Variants in ODAD1 observed in about 807,000 individuals in gnomAD.
ODAD1 encodes the protein outer dynein arm docking complex subunit 1.
In ODAD1, 49 loss-of-function variants were observed where a neutral mutation model predicts 67.2. The ratio of observed to expected loss-of-function variants is 0.73; its 90% CI spans 0.58 to 0.92. ODAD1 has a LOEUF of 0.92. Among genes scored for constraint, ODAD1 ranks in the 40% least tolerant of loss-of-function variants. The pLI is 0.00. For synonymous variants in ODAD1, 345 were observed against 393.7 expected (o/e 0.88, Z 1.46); for missense variants, 897 against 953.7 (o/e 0.94, Z 0.78).
At chr19:48,299,476 T>A (rs1968399319) in intron 12 of ODAD1, among the ~76,000 whole-genome samples, 4 of 152,060 alleles carry the variant, frequency 2.6e-5, no homozygotes, top group Admixed American at 2.6e-4. Flanking sequence ...ACAGCCTGAC[T>A]CCTGAGTGCT....
chr19:48,318,845 G>C (rs1304941531), intron 3 of ODAD1, 33 bp from the exon 4 acceptor site: 1 of 1,398,454 alleles, frequency 7.2e-7, no homozygotes, highest in Admixed American at 2.0e-5. Flanking sequence ...GACTCAGCAG[G>C]GATCCTGGCC....
intron 6 of ODAD1, 34 bp downstream of exon 6, chr19:48,311,960 A>C: frequency 6.5e-7 from 1 of 1,546,376 alleles, no homozygotes; most frequent in South Asian, 1.2e-5. Context: ...TAACCGCACA[A>C]TTCAGGTCGA....
rs1227970016 is a variant in ODAD1 at position 48,318,543 on chromosome 19, G to A, written c.204C>T (p.Gly68=). 7.7e-6 allele frequency: 12 copies of A among 1,551,316 alleles called. No homozygotes were observed. Among genetic ancestry groups the A allele is most frequent in the South Asian group, 4.8e-5 (4 of 84,048 alleles). Residue 68 remains glycine, a synonymous_variant, in exon 5 of 16, where the codon GGC becomes GGT. Transcript: ENST00000674294. ...EEIRRLEEVR[G]DLQVQISAAQ... is the part of the protein sequence containing the mutation. ...CTGCGCTGATCTGCACCTGGAGATC[G>A]CCCCGTACCTCCTCCAAGCGCCGGA...
intron 7 of ODAD1, among the ~76,000 whole-genome samples, chr19:48,307,108 C>T (rs1373518378): frequency 5.9e-5 from 9 of 151,884 alleles, no homozygotes; most frequent in South Asian, 4.2e-4. Context: ...AGCTTGAATC[C>T]GGGAGGCGGA....
intron 5 of ODAD1, among the ~76,000 whole-genome samples, chr19:48,315,584 T>G (rs1378930060): frequency 1.5e-4 from 23 of 152,156 alleles, no homozygotes; most frequent in Non-Finnish European, 1.5e-4. Flanking sequence ...TGTTTTGACA[T>G]AAAATAGTGA....
rs7252988 is a variant in ODAD1, at chr19:48,297,081, A to G, written c.2019T>C (p.Ser673=). The change falls in exon 16 of 16, where the codon TCT becomes TCC. Residue 673 remains serine (S), a synonymous_variant. Transcript: ENST00000674294. ...TGGACCCGAGGCCTCCGCTCGAATC[A>G]GACGCTGTGCCTCCGCTCTCCACAC... is the stretch of plus-strand genomic sequence containing the variant. The part of the protein sequence containing the change: ...EGGVESGGTA[S]DSSGGLGSSR... The G allele has an allele frequency of 0.63, 1,021,484 of 1,613,386 alleles. 331,731 individuals are homozygous for G. Among genetic ancestry groups the G allele is most frequent in the Non-Finnish European group, 0.68 (800,710 of 1,179,868 alleles).
rs1288734147 is a variant in ODAD1 at position 48,306,236 on chromosome 19, A to G, written c.665+20T>C. On this transcript the variant is annotated intron_variant, in intron 8 of 15. Transcript: ENST00000674294. ...TGAGTCATCTGGGTCCCGCCATCCC[A>G]GGATACCCGCAGTCTCTACCTGACG... The G allele has an allele frequency of 1.3e-6, 2 of 1,551,298 alleles. No homozygotes were observed. The highest frequency in any genetic ancestry group is 2.4e-5 in the East Asian group (1 of 40,924).
Position 48,312,072 on chromosome 19 carries a change from G to C in ODAD1, c.405C>G (p.Val135=), listed in dbSNP as rs1173208373. 5.1e-5 allele frequency: 79 copies of C among 1,549,542 alleles called. No homozygotes were observed. The highest frequency in any genetic ancestry group is 1.7e-4 in the Middle Eastern group (1 of 5,986). The part of the protein sequence containing the change: ...ETRIFTHSKN[V]RSPGFILDQK... ...GATCCAGGATGAATCCCGGGGACCT[G>C]ACATTCTTACTGTGGGTAAAGATCC... The change falls in exon 6 of 16, where the codon GTC becomes GTG. Residue 135 remains valine (V), a synonymous_variant. Transcript: ENST00000674294.
Position 48,296,909 on chromosome 19 carries a change from G to A in ODAD1, c.*67C>T. ...ACAGAGACCCACAAGGCAAACAGGG[G>A]AAGTAGAGACACAAAAAAAGACCCC... is the stretch of plus-strand genomic sequence containing the variant. On this transcript the variant is annotated 3_prime_UTR_variant, in exon 16 of 16. Transcript: ENST00000674294. 1 of 1,474,516 alleles carries A rather than the reference G, an allele frequency of 6.8e-7. No homozygotes were observed. The highest frequency in any genetic ancestry group is 1.4e-5 in the African/African-American group (1 of 70,650). 91.3% of individuals were successfully genotyped at this position (1,474,516 alleles called of 1,614,324 possible). A position where few individuals can be genotyped will look rare whatever the true frequency, so the allele number is the denominator to read the frequency against.
At chr19:48,321,525 G>T in intron 1 of ODAD1, 153 bp downstream of exon 1, 1 of 305,316 alleles carries the variant, frequency 3.3e-6, no homozygotes, top group Non-Finnish European at 6.0e-6. Flanking sequence ...TCCCCGTAAG[G>T]GGCGGGCTTC....
chr19:48,321,007 CG>C (rs1969017080), intron 1 of ODAD1, among the ~76,000 whole-genome samples, 196 bp from the exon 2 acceptor site: 1 of 152,110 alleles, frequency 6.6e-6, no homozygotes, highest in African/African-American at 2.4e-5. Context: ...GAGGCCGAGG[CG>C]GGCGCATCAC....
rs113973746 is a variant in ODAD1 at position 48,320,988 on chromosome 19, G to C, written c.-63-177C>G. ...GCGGTGGCTCACGCCTGCAATCCCAGCATTTTGGGAGGCCGAGGCGGGCGC... is the reference window on the plus strand; with the variant it reads ...GCGGTGGCTCACGCCTGCAATCCCACCATTTTGGGAGGCCGAGGCGGGCGC... On this transcript the variant is annotated intron_variant, in intron 1 of 15. Coordinates refer to ENST00000674294, the MANE Select transcript of ODAD1 (RefSeq NM_001364171.2). Among the ~76,000 whole-genome samples, 3 of 152,318 alleles carry C rather than the reference G, an allele frequency of 2.0e-5. 1 individual carries two copies. Among genetic ancestry groups the C allele is most frequent in the African/African-American group, 7.2e-5 (3 of 41,568 alleles).
In ODAD1 at chr19:48,303,738, C is replaced by G; in HGVS notation, c.900G>C (p.Leu300=). 1 of 1,613,934 alleles carries G rather than the reference C, an allele frequency of 6.2e-7. No individual in the cohort carries two copies. Among genetic ancestry groups the G allele is most frequent in the African/African-American group, 1.3e-5 (1 of 75,066 alleles). Residue 300 remains leucine, a synonymous_variant, in exon 10 of 16, where the codon CTG becomes CTC. Coordinates refer to ENST00000674294, the MANE Select transcript of ODAD1 (RefSeq NM_001364171.2). ...EGVWKTSQER[L]VLCYEDALNK... The stretch of plus-strand genomic sequence containing the variant: ...TCAGGGCGTCCTCGTAGCAAAGCAC[C>G]AGCCTCTCCTGGGAGGTCTTCCAGA...
intron 12 of ODAD1, among the ~76,000 whole-genome samples, chr19:48,298,966 CT>C (rs1968383780): frequency 6.6e-6 from 1 of 152,192 alleles, no homozygotes; most frequent in African/African-American, 2.4e-5. Flanking sequence ...GGCTCTCCAG[CT>C]CGCTCCCCAC....
Position 48,318,831 on chromosome 19 carries a change from A to C in ODAD1, c.71-19T>G. On this transcript the variant is annotated intron_variant, in intron 3 of 15. Transcript: ENST00000674294. ...CAATCCACTGAGAACAGGGCCAGCCAAGGGACTCAGCAGGGATCCTGGCCA... is the reference window on the plus strand; with the variant it reads ...CAATCCACTGAGAACAGGGCCAGCCCAGGGACTCAGCAGGGATCCTGGCCA... The C allele has an allele frequency of 6.7e-7, 1 of 1,493,554 alleles. No individual in the cohort carries two copies. The highest frequency in any genetic ancestry group is 9.1e-7 in the Non-Finnish European group (1 of 1,095,436). The allele number at this position is 1,493,554 out of a possible 1,614,324, so 92.5% of individuals were successfully genotyped here. A position where few individuals can be genotyped will look rare whatever the true frequency, so the allele number is the denominator to read the frequency against.
intron 7 of ODAD1, 57 bp from the exon 8 acceptor site, chr19:48,306,380 T>C: frequency 6.9e-7 from 1 of 1,453,766 alleles, no homozygotes; most frequent in Non-Finnish European, 9.4e-7. Context: ...TTGCTCGAAG[T>C]CTTTCCTTTT....
intron 5 of ODAD1, among the ~76,000 whole-genome samples, chr19:48,317,792 G>T (rs778998972): frequency 4.6e-5 from 7 of 151,790 alleles, no homozygotes; most frequent in African/African-American, 7.3e-5. Context: ...GATTCTCCTG[G>T]CCGAGCACAG....
chr19:48,311,949 A>G (rs964933933), intron 6 of ODAD1, 45 bp downstream of exon 6: 1 of 1,538,728 alleles, frequency 6.5e-7, no homozygotes, highest in Middle Eastern at 2.1e-4. Context: ...AGTTCTTCCC[A>G]TAACCGCACA....
At position 48,303,999 on chromosome 19, in the gene ODAD1, G is replaced by T. The variant is rs200808081; in HGVS notation, c.807C>A (p.Asn269Lys). The change falls in exon 9 of 16, where the codon AAC becomes AAA. Residue 269 changes from asparagine to lysine, a missense_variant. Coordinates refer to ENST00000674294, the MANE Select transcript of ODAD1 (RefSeq NM_001364171.2). ...GGACATCGGGATCCGGCTGCCGGTCGTTGTTCTTGAGCTTGAGGAAGTGGT... is the reference window on the plus strand; with the variant it reads ...GGACATCGGGATCCGGCTGCCGGTCTTTGTTCTTGAGCTTGAGGAAGTGGT... Reference protein sequence around the residue: ...QLHHFLKLKNNDRQPDPDVLE... With the variant: ...QLHHFLKLKNKDRQPDPDVLE... The T allele has an allele frequency of 1.0e-4, 164 of 1,614,228 alleles. No homozygotes were observed. In the East Asian group the frequency reaches 3.6e-3, roughly 36 times the overall value.
Sources: gnomAD v4.1 joint callset for allele counts (sites outside exome capture counted in the v4.1 genomes callset) on GRCh38, gnomAD v4.1.1 for gene constraint, MANE v1.5 for transcripts, NCBI Gene and HGNC (gene_info 2026-07-23, HGNC 2026-07-21) for gene names.